Variants in PMPCB observed in about 807,000 individuals in gnomAD.
The protein encoded by PMPCB is mitochondrial-processing peptidase subunit beta.
In PMPCB, 46 loss-of-function variants were observed where a neutral mutation model predicts 61.5. That is an observed-to-expected ratio of 0.75 (90% CI 0.59 to 0.96). The LOEUF is 0.96. Ranked by LOEUF, PMPCB falls within the 40% of genes least tolerant of loss-of-function variation. The pLI is 0.00. For synonymous variants in PMPCB, 191 were observed against 201.6 expected (o/e 0.95, Z 0.44); for missense variants, 590 against 602.4 (o/e 0.98, Z 0.22).
intron 6 of PMPCB, among the ~76,000 whole-genome samples, chr7:103,306,410 T>C (rs1454832856): frequency 3.3e-5 from 5 of 151,262 alleles, no homozygotes; most frequent in African/African-American, 1.2e-4. Flanking sequence ...GAGATGGAGT[T>C]TTGCTCTTAT....
downstream of PMPCB, chr7:103,315,641 C>CAA: frequency 1.7e-6 from 1 of 601,170 alleles, no homozygotes; most frequent in Non-Finnish European, 2.9e-6. Context: ...TGTTTGCTTA[C>CAA]AGCTTCCAGT....
In PMPCB at chr7:103,307,727, C is replaced by T; in HGVS notation, c.849+19C>T. On this transcript the variant is annotated intron_variant, in intron 7 of 12. Transcript: ENST00000249269. Reference sequence around the variant, plus strand: ...AAGTGAGGTAGGGCAAGCCTTCCAGCTAGTATTTAGCCTTTTGGATTCCTT... The same window carrying T: ...AAGTGAGGTAGGGCAAGCCTTCCAGTTAGTATTTAGCCTTTTGGATTCCTT... 1 of 1,361,816 alleles carries T rather than the reference C, an allele frequency of 7.3e-7. No homozygotes were observed. The highest frequency in any genetic ancestry group is 1.1e-6 in the Non-Finnish European group (1 of 950,436). The allele number at this position is 1,361,816 out of a possible 1,614,324, so 84.4% of individuals were successfully genotyped here.
At chr7:103,328,727 C>A (rs1818841178) in intron 12 of PMPCB, among the ~76,000 whole-genome samples, 1 of 151,960 alleles carries the variant, frequency 6.6e-6, no homozygotes, top group East Asian at 1.9e-4. Flanking sequence ...TTGCATTTTC[C>A]ATGGTTTTTT....
chr7:103,304,381 C>A, intron 5 of PMPCB, 30 bp from the exon 6 acceptor site: 1 of 1,261,592 alleles, frequency 7.9e-7, no homozygotes, highest in South Asian at 1.3e-5. Context: ...TTTTTGGTTT[C>A]CTTTAAAAAT....
chr7:103,303,321 TC>T (rs1456165824), intron 4 of PMPCB, among the ~76,000 whole-genome samples: 1 of 152,212 alleles, frequency 6.6e-6, no homozygotes, highest in African/African-American at 2.4e-5. Context: ...TTTGGCATGT[TC>T]CCCAGGTTGG....
At chr7:103,315,841 T>A, downstream of PMPCB, 2 of 1,613,354 alleles carry the variant, frequency 1.2e-6, no homozygotes, top group South Asian at 1.1e-5. Flanking sequence ...ATCAAATGCC[T>A]TTTTATTTAT....
At position 103,312,725 on chromosome 7, in the gene PMPCB, AAGC is replaced by A; in HGVS notation, c.*456_*458del. The A allele has an allele frequency of 6.3e-7, 1 of 1,581,616 alleles. No homozygotes were observed. The highest frequency in any genetic ancestry group is 8.5e-7 in the Non-Finnish European group (1 of 1,169,910). On this transcript the variant is annotated 3_prime_UTR_variant, in exon 13 of 13. Coordinates refer to ENST00000249269, the MANE Select transcript of PMPCB (RefSeq NM_004279.3). ...ATCTAGTGTTTGGTGTAAAGAATTC[AAGC>A]AACTAAGATAGATAGTACTAAATAT...
At chr7:103,332,808 G>A (rs1052704077), downstream of PMPCB, among the ~76,000 whole-genome samples, 1 of 151,988 alleles carries the variant, frequency 6.6e-6, no homozygotes, top group African/African-American at 2.4e-5. Context: ...ATTTTTTGTA[G>A]AAATGGGGTT....
At chr7:103,302,421 G>GC (rs1481372393) in intron 4 of PMPCB, among the ~76,000 whole-genome samples, 1 of 152,000 alleles carries the variant, frequency 6.6e-6, no homozygotes, top group South Asian at 2.1e-4. Flanking sequence ...GGAAATAGGA[G>GC]CCCCCCTCCC....
intron 2 of PMPCB, 49 bp downstream of exon 2, chr7:103,298,757 C>G: frequency 1.3e-6 from 2 of 1,555,836 alleles, no homozygotes; most frequent in Non-Finnish European, 1.8e-6. Flanking sequence ...TTTAGCGTAG[C>G]AAATTGTTGA....
At chr7:103,297,690 A>C (rs1255710836) in intron 1 of PMPCB, 132 bp downstream of exon 1, 1 of 1,537,396 alleles carries the variant, frequency 6.5e-7, no homozygotes, top group Non-Finnish European at 8.7e-7. Context: ...GCCGGGCGCC[A>C]GGCGGCCTGG....
chr7:103,312,584 A>G lies in PMPCB; in HGVS notation c.*313A>G, dbSNP rs911527719. On this transcript the variant is annotated 3_prime_UTR_variant, in exon 13 of 13. Coordinates refer to ENST00000249269, the MANE Select transcript of PMPCB (RefSeq NM_004279.3). ...ACAAAGATTGTCATTTCTTGGCTCTACTTGCATTCAGCACTTGTTCTTGAG... is the reference window on the plus strand; with the variant it reads ...ACAAAGATTGTCATTTCTTGGCTCTGCTTGCATTCAGCACTTGTTCTTGAG... 1.2e-6 allele frequency: 2 copies of G among 1,612,862 alleles called. No homozygotes were observed. Among genetic ancestry groups the G allele is most frequent in the Non-Finnish European group, 1.7e-6 (2 of 1,179,664 alleles).
Position 103,304,501 on chromosome 7 carries a change from T to G in PMPCB, c.736+11T>G, listed in dbSNP as rs1817528853. The G allele has an allele frequency of 1.9e-6, 3 of 1,566,838 alleles. No individual in the cohort carries two copies. Among genetic ancestry groups the G allele is most frequent in the African/African-American group, 1.4e-5 (1 of 74,018 alleles). ...TTGCTGCTGCTGGAGGTTAGTCAAT[T>G]TAAATTTCTACAAATGTTTTAAACA... On this transcript the variant is annotated intron_variant, in intron 6 of 12. Coordinates refer to ENST00000249269, the MANE Select transcript of PMPCB (RefSeq NM_004279.3).
downstream of PMPCB, chr7:103,315,682 G>T: frequency 3.4e-6 from 3 of 887,196 alleles, no homozygotes; most frequent in Non-Finnish European, 3.6e-6. Context: ...CTATCATTCT[G>T]AACATAGACC....
the PMPCB span, chr7:103,344,522 T>G: frequency 6.2e-7 from 1 of 1,612,034 alleles, no homozygotes; most frequent in Non-Finnish European, 8.5e-7. Flanking sequence ...CAGGGGCAGC[T>G]GAGGTGAGAA....
chr7:103,338,145 C>T, the PMPCB span, among the ~76,000 whole-genome samples: 1 of 152,010 alleles, frequency 6.6e-6, no homozygotes, highest in Non-Finnish European at 1.5e-5. Flanking sequence ...TGGTGTGCAC[C>T]TGTAGTTCCA....
Position 103,312,478 on chromosome 7 carries a change from T to G in PMPCB, c.*207T>G. 1.9e-6 allele frequency: 3 copies of G among 1,556,880 alleles called. No homozygotes were observed. The highest frequency in any genetic ancestry group is 2.6e-6 in the Non-Finnish European group (3 of 1,158,036). On this transcript the variant is annotated 3_prime_UTR_variant, in exon 13 of 13. Coordinates refer to ENST00000249269, the MANE Select transcript of PMPCB (RefSeq NM_004279.3). Reference sequence around the variant, plus strand: ...GAAATTATGTTGGAAGCAGCATACTTTCAAATTATTACCATGAGTATAATT... The same window carrying G: ...GAAATTATGTTGGAAGCAGCATACTGTCAAATTATTACCATGAGTATAATT...
chr7:103,311,759 T>C lies in PMPCB; in HGVS notation c.1240+31T>C, dbSNP rs768090642. 5.6e-6 allele frequency: 9 copies of C among 1,603,276 alleles called. No homozygotes were observed. In the African/African-American group the frequency reaches 1.1e-4, roughly 19 times the overall value. On this transcript the variant is annotated intron_variant, in intron 10 of 12. Coordinates refer to ENST00000249269, the MANE Select transcript of PMPCB (RefSeq NM_004279.3). ...AATAAAGATATAGGTTCTGTTTTCA[T>C]ATGGTTGATCTGTATTCCAATAGTT...
At chr7:103,300,043 A>G in intron 3 of PMPCB, 135 bp from the exon 4 acceptor site, 1 of 746,338 alleles carries the variant, frequency 1.3e-6, no homozygotes, top group African/African-American at 1.8e-5. Context: ...CCATCGTACC[A>G]TACCTGATGT....
Sources: gnomAD v4.1 joint callset for allele counts (sites outside exome capture counted in the v4.1 genomes callset) on GRCh38, gnomAD v4.1.1 for gene constraint, MANE v1.5 for transcripts, NCBI Gene and HGNC (gene_info 2026-07-23, HGNC 2026-07-21) for gene names.